The following ATP6V0A4 variants were observed in gnomAD, a reference collection of about 807,000 sequenced individuals.
The protein encoded by ATP6V0A4 is ATPase H+ transporting V0 subunit a4, also known as V-type proton ATPase 116 kDa subunit a 4.
A neutral mutation model predicts 107.3 loss-of-function variants in ATP6V0A4; 86 were observed. That is an observed-to-expected ratio of 0.80 (90% CI 0.67 to 0.96). ATP6V0A4 has a LOEUF of 0.96. Among genes scored for constraint, ATP6V0A4 ranks in the 40% least tolerant of loss-of-function variants. The pLI is 0.00. For missense variants in ATP6V0A4, 908 were observed against 1,045.6 expected, an observed-to-expected ratio of 0.87 and a Z score of 1.81; for synonymous variants, 353 against 381.4, an observed-to-expected ratio of 0.93 and a Z score of 0.87.
At chr7:138,732,413 C>T (rs953358985) in intron 17 of ATP6V0A4, among the ~76,000 whole-genome samples, 17 of 152,040 alleles carry the variant, frequency 1.1e-4, no homozygotes, top group African/African-American at 4.1e-4. Context: ...TTTAATAAGA[C>T]ACTTTTGAGA....
rs751393881 is a variant in ATP6V0A4, at chr7:138,752,693, C to T, written c.961G>A (p.Val321Ile). 3 of 1,614,058 alleles carry T rather than the reference C, an allele frequency of 1.9e-6. No homozygotes were observed. The highest frequency in any genetic ancestry group is 2.5e-6 in the Non-Finnish European group (3 of 1,179,942). ...MCNIDVTQQCVIAEIWFPVAD... is the reference protein window; with the variant it reads ...MCNIDVTQQCIIAEIWFPVAD... ...ACCGGGAACCAGATCTCGGCGATGA[C>T]ACACTGCTGGGTGACGTCGATGTTG... Residue 321 changes from valine to isoleucine, a missense_variant, in exon 11 of 22, where the codon GTC becomes ATC. Physicochemically the swap from Val to Ile is conservative, Grantham distance 29. Coordinates refer to ENST00000310018, the MANE Select transcript of ATP6V0A4 (RefSeq NM_020632.3).
At chr7:138,786,483 G>A (rs981113940) in intron 1 of ATP6V0A4, among the ~76,000 whole-genome samples, 1 of 152,058 alleles carries the variant, frequency 6.6e-6, no homozygotes, top group Admixed American at 6.6e-5. Context: ...GGAGGCTGAG[G>A]TGGGAGGATC....
intron 5 of ATP6V0A4, among the ~76,000 whole-genome samples, chr7:138,766,325 C>T (rs34665778): frequency 0.018 from 2,685 of 151,866 alleles, 32 homozygotes; most frequent in Middle Eastern, 0.041. Context: ...GCCTCAGCTT[C>T]TAGAGTAGCT....
intron 2 of ATP6V0A4, among the ~76,000 whole-genome samples, chr7:138,780,767 G>A (rs1033812684): frequency 5.9e-5 from 9 of 152,124 alleles, no homozygotes; most frequent in East Asian, 1.9e-4. Flanking sequence ...TTAGCTGGGC[G>A]TGGTGGTGCA....
intron 17 of ATP6V0A4, 26 bp downstream of exon 17, chr7:138,732,851 T>C: frequency 7.2e-7 from 1 of 1,398,130 alleles, no homozygotes; most frequent in Middle Eastern, 2.0e-4. Flanking sequence ...AAAAGAAGAG[T>C]AAAAAAAAAA....
intron 15 of ATP6V0A4, 66 bp downstream of exon 15, chr7:138,739,474 C>T: frequency 3.8e-6 from 6 of 1,576,660 alleles, no homozygotes; most frequent in Non-Finnish European, 5.2e-6. Flanking sequence ...GCCTTTTCTT[C>T]TCTCTCCAGA....
At chr7:138,785,410 GGACTAC>G (rs1808134407) in intron 2 of ATP6V0A4, among the ~76,000 whole-genome samples, 1 of 151,822 alleles carries the variant, frequency 6.6e-6, no homozygotes, top group South Asian at 2.1e-4. Flanking sequence ...TGAGTAGCTA[GGACTAC>G]AGGTGTGCAC....
chr7:138,709,724 C>T lies in ATP6V0A4; in HGVS notation c.2329G>A (p.Gly777Arg), dbSNP rs767611310. 6.8e-6 allele frequency: 11 copies of T among 1,613,824 alleles called. No individual in the cohort carries two copies. The highest frequency in any genetic ancestry group is 2.2e-5 in the East Asian group (1 of 44,890). ...LQTRGWGGIV[G>R]VFIIFAVFAV... is the part of the protein sequence containing the mutation. ...AATACGGCAAAAATAATAAAAACCC[C>T]GACGATTCCTCCCCAGCCTCGCGTC... The change falls in exon 21 of 22, where the codon GGG becomes AGG. Residue 777 changes from glycine to arginine, a missense_variant. Gly to Arg is a moderately radical substitution (Grantham distance 125). Transcript: ENST00000310018.
Position 138,759,693 on chromosome 7 carries a change from G to T in ATP6V0A4, c.639+59C>A, listed in dbSNP as rs570442929. ...CCCCCATGTTTTGGGAGAACGAAGC[G>T]CTTCTGCTGAGGGCTATGGGAAGTC... On this transcript the variant is annotated intron_variant, in intron 8 of 21. Coordinates refer to ENST00000310018, the MANE Select transcript of ATP6V0A4 (RefSeq NM_020632.3). 8 of 1,577,416 alleles carry T rather than the reference G, an allele frequency of 5.1e-6. No individual in the cohort carries two copies. In the South Asian group the frequency reaches 8.9e-5, roughly 17 times the overall value.
At chr7:138,718,169 T>G in intron 19 of ATP6V0A4, among the ~76,000 whole-genome samples, 1 of 94,440 alleles carries the variant, frequency 1.1e-5, no homozygotes, top group South Asian at 3.1e-4. Flanking sequence ...CAGTCACGGA[T>G]GTCTGTGGAG....
rs139500920 is a variant in ATP6V0A4, at chr7:138,795,964, A to C, written c.-121+2070T>G. 7.5e-3 allele frequency among the ~76,000 whole-genome samples: 1,137 copies of C among 152,226 alleles called. 12 individuals are homozygous for C. Among genetic ancestry groups the C allele is most frequent in the African/African-American group, 0.026 (1,060 of 41,530 alleles). On this transcript the variant is annotated intron_variant, in intron 1 of 21. Coordinates refer to ENST00000310018, the MANE Select transcript of ATP6V0A4 (RefSeq NM_020632.3). ...GCCAATATGCCTGGTCTGTTCTTCA[A>C]ATTTTGGATCTGAGAATATTTTCTC...
chr7:138,718,213 TGTGTGTGTGTGTGTGTGCGCGC>T (rs1804191106), intron 19 of ATP6V0A4, among the ~76,000 whole-genome samples: 1 of 31,376 alleles, frequency 3.2e-5, no homozygotes, highest in Non-Finnish European at 5.7e-5. Context: ...TGTGTGTGTG[TGTGTGTGTGTGTGTGTGCGCGC>T]AGTTATGGAT....
chr7:138,796,776 G>A (rs183317725), intron 1 of ATP6V0A4, among the ~76,000 whole-genome samples: 51 of 119,620 alleles, frequency 4.3e-4, no homozygotes, highest in African/African-American at 1.3e-3. Context: ...TCTTTCTTCC[G>A]GGTTTGGTTC....
intron 15 of ATP6V0A4, among the ~76,000 whole-genome samples, chr7:138,737,969 C>T (rs1364124851): frequency 6.6e-6 from 1 of 151,898 alleles, no homozygotes; most frequent in Non-Finnish European, 1.5e-5. Context: ...ACCATGTTGG[C>T]CAGGCTGGTC....
chr7:138,711,104 A>C, intron 20 of ATP6V0A4, among the ~76,000 whole-genome samples: 2 of 147,736 alleles, frequency 1.4e-5, no homozygotes, highest in Non-Finnish European at 1.5e-5. Context: ...CCTACCCGTT[A>C]CCTCCTCAGC....
At chr7:138,780,943 T>C (rs1807893229) in intron 2 of ATP6V0A4, among the ~76,000 whole-genome samples, 1 of 152,012 alleles carries the variant, frequency 6.6e-6, no homozygotes, top group South Asian at 2.1e-4. Flanking sequence ...AAAAAGAAAT[T>C]TCACTGAGAG....
intron 18 of ATP6V0A4, among the ~76,000 whole-genome samples, chr7:138,723,109 C>T (rs572314812): frequency 6.6e-6 from 1 of 151,226 alleles, no homozygotes; most frequent in East Asian, 1.9e-4. Flanking sequence ...GCTGGCAAGG[C>T]TGGTAAGTGG....
At chr7:138,719,836 A>G (rs1804340125) in intron 19 of ATP6V0A4, among the ~76,000 whole-genome samples, 1 of 152,168 alleles carries the variant, frequency 6.6e-6, no homozygotes, top group Non-Finnish European at 1.5e-5. Context: ...CCTGGCCAAC[A>G]GGGTGAAATC....
Position 138,728,816 on chromosome 7 carries a change from G to A in ATP6V0A4, c.1955C>T (p.Pro652Leu), listed in dbSNP as rs149289710. The A allele has an allele frequency of 3.6e-5, 58 of 1,613,936 alleles. No individual in the cohort carries two copies. In the East Asian group the frequency reaches 5.3e-4, roughly 15 times the overall value. Residue 652 changes from proline (P) to leucine (L), a missense_variant, in exon 18 of 22, where the codon CCG becomes CTG. Transcript: ENST00000310018. ...AAACGGCTTAATCAGAAGCATCCAC[G>A]GCACAGAAATCAAAGCCATAACCAC... The part of the protein sequence containing the change: ...FFVVMALISV[P>L]WMLLIKPFIL...
Sources: gnomAD v4.1 joint callset for allele counts (sites outside exome capture counted in the v4.1 genomes callset) on GRCh38, gnomAD v4.1.1 for gene constraint, MANE v1.5 for transcripts, NCBI Gene and HGNC (gene_info 2026-07-23, HGNC 2026-07-21) for gene names.